Variants in AGO1 observed in about 807,000 individuals in gnomAD.
AGO1 encodes argonaute RISC component 1.
Under a neutral mutation model 109.2 loss-of-function variants are expected in AGO1, and 11 were observed. The ratio of observed to expected loss-of-function variants is 0.10; its 90% CI spans 0.06 to 0.17. The LOEUF (loss-of-function observed/expected upper bound fraction) is 0.17. Among genes scored for constraint, AGO1 ranks in the 10% least tolerant of loss-of-function variants. The probability of loss-of-function intolerance (pLI) is 1.00; values close to 1 mark genes in which losing one functional copy is unlikely to be tolerated. For missense variants in AGO1, 574 were observed against 1,140.3 expected, an observed-to-expected ratio of 0.50 and a Z score of 7.15; for synonymous variants, 422 against 418.6, an observed-to-expected ratio of 1.01 and a Z score of -0.10.
intron 11 of AGO1, among the ~76,000 whole-genome samples, chr1:35,903,834 G>C (rs990684263): frequency 8.6e-5 from 13 of 151,752 alleles, no homozygotes; most frequent in African/African-American, 2.9e-4. Context: ...GTGGTGGCGC[G>C]TGCCTGTAGT....
At chr1:35,917,477 A>C in intron 15 of AGO1, 116 bp from the exon 16 acceptor site, 1 of 1,214,516 alleles carries the variant, frequency 8.2e-7, no homozygotes, top group Non-Finnish European at 1.1e-6. Context: ...CAGCATATAA[A>C]GGGAGACTGA....
chr1:35,894,394 C>T lies in AGO1; in HGVS notation c.864C>T (p.Ser288=). ...RVCNVTRRPA[S]HQTFPLQLES... ...GTAATGTTACCCGTCGCCCTGCTAG[C>T]CATCAGACGTAAGTTGGCAGGGGTG... is the stretch of plus-strand genomic sequence containing the variant. Residue 288 remains serine (S), a synonymous_variant, in exon 7 of 19, where the codon AGC becomes AGT. Transcript: ENST00000373204. 1 of 1,614,032 alleles carries T rather than the reference C, an allele frequency of 6.2e-7. No individual in the cohort carries two copies. The highest frequency in any genetic ancestry group is 1.3e-5 in the African/African-American group (1 of 75,010).
intron 2 of AGO1, among the ~76,000 whole-genome samples, chr1:35,890,033 C>CT (rs959690903): frequency 6.6e-6 from 1 of 151,112 alleles, no homozygotes; most frequent in Non-Finnish European, 1.5e-5. Context: ...CCATTCTCTT[C>CT]TTTTTTTGAG....
intron 16 of AGO1, among the ~76,000 whole-genome samples, chr1:35,918,085 T>C (rs543194682): frequency 5.9e-5 from 9 of 152,328 alleles, no homozygotes; most frequent in South Asian, 2.1e-4. Flanking sequence ...GTATTATTAT[T>C]ATCTCCAATT....
chr1:35,917,850 CCCT>C, intron 16 of AGO1, 123 bp downstream of exon 16: 2 of 1,361,736 alleles, frequency 1.5e-6, no homozygotes, highest in South Asian at 1.5e-5. Context: ...CTGGCCCCTT[CCCT>C]CCTCCTAGCT....
intron 1 of AGO1, among the ~76,000 whole-genome samples, chr1:35,870,519 G>A (rs1393125781): frequency 3.9e-5 from 6 of 152,162 alleles, no homozygotes; most frequent in African/African-American, 7.2e-5. Flanking sequence ...TCTTGACCTC[G>A]TGATCTGCAC....
Position 35,920,247 on chromosome 1 carries a change from G to A in AGO1, c.*640G>A, listed in dbSNP as rs1420740074. 1.3e-5 allele frequency: 2 copies of A among 151,752 alleles called. No individual in the cohort carries two copies. Among genetic ancestry groups the A allele is most frequent in the African/African-American group, 2.4e-5 (1 of 41,054 alleles). 9.4% of individuals were successfully genotyped at this position (151,752 alleles called of 1,614,324 possible). ...CCCCACCTTACCCTTATTCCTCTCT[G>A]TCCACATTTTCTGCCCCACCTTACT... is the stretch of plus-strand genomic sequence containing the variant. On this transcript the variant is annotated 3_prime_UTR_variant, in exon 19 of 19. Coordinates refer to ENST00000373204, the MANE Select transcript of AGO1 (RefSeq NM_012199.5).
At chr1:35,891,554 ATTTATTT>A (rs967587139) in intron 2 of AGO1, among the ~76,000 whole-genome samples, 2 of 151,584 alleles carry the variant, frequency 1.3e-5, no homozygotes, top group Non-Finnish European at 2.9e-5. Context: ...TTTTGTTTTA[ATTTATTT>A]TTTATTTTTT....
chr1:35,899,249 C>T (rs948376616), intron 8 of AGO1, among the ~76,000 whole-genome samples: 10 of 152,106 alleles, frequency 6.6e-5, no homozygotes, highest in Admixed American at 6.5e-5. Flanking sequence ...AATAATAGTC[C>T]GTTGTATGTA....
upstream of AGO1, chr1:35,883,174 G>A: frequency 1.7e-6 from 2 of 1,151,426 alleles, no homozygotes; most frequent in South Asian, 4.3e-5. This position sits in a 1 kb window ranked among gnomAD's most constrained non-coding sequence, Gnocchi z 5.4. Context: ...GACTCGTTCC[G>A]GTCCGCCCCC....
rs1305683908 is a variant in AGO1, at chr1:35,872,478, G to A, written c.-201+2575G>A. ...TGGGATTACAGATGTGAGCCACCGC[G>A]CCTGGCCCGACTCAATTTCTTTAAT... On this transcript the variant is annotated intron_variant, in intron 1 of 18. Coordinates refer to the AGO1 transcript ENST00000373206. Among the ~76,000 whole-genome samples the A allele has an allele frequency of 3.3e-5, 5 of 152,050 alleles. No individual in the cohort carries two copies. The East Asian group carries it at 5.8e-4, about 18-fold the overall frequency.
At chr1:35,910,205 C>A (rs1645608089) in intron 12 of AGO1, among the ~76,000 whole-genome samples, 1 of 150,126 alleles carries the variant, frequency 6.7e-6, no homozygotes, top group African/African-American at 2.4e-5. Flanking sequence ...AGACCCTTCA[C>A]CATCCCTCCT....
intron 8 of AGO1, among the ~76,000 whole-genome samples, chr1:35,897,787 A>G (rs1645344835): frequency 1.3e-5 from 2 of 152,198 alleles, no homozygotes; most frequent in South Asian, 4.1e-4. Context: ...AAAATTCACC[A>G]TTTTAAAATG....
At position 35,927,881 on chromosome 1, in the gene AGO1, G is replaced by C. The variant is rs1051230848; in HGVS notation, c.*8274G>C. On this transcript the variant is annotated 3_prime_UTR_variant, in exon 19 of 19. Coordinates refer to ENST00000373204, the MANE Select transcript of AGO1 (RefSeq NM_012199.5). Reference sequence around the variant, plus strand: ...CCATGTTTTATATTGTATCTTGCTAGAGTATAAAGTAACTTACTTTCTACC... The same window carrying C: ...CCATGTTTTATATTGTATCTTGCTACAGTATAAAGTAACTTACTTTCTACC... 2.0e-5 allele frequency: 3 copies of C among 152,188 alleles called. No individual in the cohort carries two copies. Among genetic ancestry groups the C allele is most frequent in the Non-Finnish European group, 4.4e-5 (3 of 68,030 alleles). The allele number at this position is 152,188 out of a possible 1,614,324, so 9.4% of individuals were successfully genotyped here.
intron 2 of AGO1, among the ~76,000 whole-genome samples, chr1:35,890,331 C>G (rs1009877890): frequency 2.0e-5 from 3 of 152,150 alleles, no homozygotes; most frequent in African/African-American, 7.2e-5. Flanking sequence ...CCAATTGTTA[C>G]CATTCTTGAA....
intron 15 of AGO1, 128 bp from the exon 16 acceptor site, chr1:35,917,465 A>T: frequency 1.9e-6 from 2 of 1,052,590 alleles, no homozygotes; most frequent in Non-Finnish European, 2.7e-6. Context: ...ATTGTTGAGC[A>T]TCAGCATATA....
intron 11 of AGO1, among the ~76,000 whole-genome samples, chr1:35,905,108 A>G (rs1178240033): frequency 6.6e-6 from 1 of 152,214 alleles, no homozygotes; most frequent in Admixed American, 6.5e-5. Flanking sequence ...CCAGCATTGG[A>G]CACAGTATTC....
rs1207879034 is a variant in AGO1, at chr1:35,929,794, G to C, written c.*10187G>C. ...TTAAAATGGTAAATAGTAAATACTT[G>C]TGTTATTCACTAACATTTGGGGAGG... On this transcript the variant is annotated 3_prime_UTR_variant, in exon 19 of 19. Transcript: ENST00000373204. The C allele has an allele frequency of 6.6e-6, 1 of 152,078 alleles. No homozygotes were observed. The highest frequency in any genetic ancestry group is 1.5e-5 in the Non-Finnish European group (1 of 68,018). The allele number at this position is 152,078 out of a possible 1,614,324, so 9.4% of individuals were successfully genotyped here. A position where few individuals can be genotyped will look rare whatever the true frequency, so the allele number is the denominator to read the frequency against.
chr1:35,897,984 T>C (rs1645348362), intron 8 of AGO1, among the ~76,000 whole-genome samples: 1 of 152,202 alleles, frequency 6.6e-6, no homozygotes, highest in Admixed American at 6.5e-5. Flanking sequence ...TTTGGACATA[T>C]CATATATGTG....
Sources: gnomAD v4.1 joint callset for allele counts (sites outside exome capture counted in the v4.1 genomes callset) on GRCh38, gnomAD v4.1.1 for gene constraint, Gnocchi (gnomAD v3.1) non-coding constraint, MANE v1.5 for transcripts, NCBI Gene and HGNC (gene_info 2026-07-23, HGNC 2026-07-21) for gene names.